The following ANO3 variants were observed in gnomAD, a reference collection of about 807,000 sequenced individuals.
ANO3 encodes anoctamin 3.
Under a neutral mutation model 144.8 loss-of-function variants are expected in ANO3, and 99 were observed. The ratio of observed to expected loss-of-function variants is 0.68; its 90% CI spans 0.58 to 0.81. ANO3 has a LOEUF of 0.81. Ranked by LOEUF, ANO3 falls within the 30% of genes least tolerant of loss-of-function variation. ANO3 has a pLI of 0.00. For missense variants in ANO3, 905 were observed against 1,202.2 expected (o/e 0.75, Z 3.66); for synonymous variants, 414 against 392.6 (o/e 1.05, Z -0.64).
intron 1 of ANO3, among the ~76,000 whole-genome samples, chr11:26,246,630 T>G (rs1016183749): frequency 2.7e-5 from 4 of 149,786 alleles, no homozygotes; most frequent in African/African-American, 1.0e-4. Flanking sequence ...GTTACTATAT[T>G]ATAATAATTG....
At chr11:26,248,725 T>C (rs550792389) in intron 1 of ANO3, among the ~76,000 whole-genome samples, 3 of 152,232 alleles carry the variant, frequency 2.0e-5, no homozygotes, top group Non-Finnish European at 4.4e-5. Context: ...ACTGTATTTT[T>C]TTGTTTTGTT....
chr11:26,470,375 G>T (rs1432736997), intron 4 of ANO3, among the ~76,000 whole-genome samples: 1 of 148,342 alleles, frequency 6.7e-6, no homozygotes, highest in Non-Finnish European at 1.5e-5. Flanking sequence ...TTATACAACT[G>T]CATTCCAACC....
At chr11:26,585,395 T>C (rs1406014761) in intron 14 of ANO3, among the ~76,000 whole-genome samples, 1 of 152,218 alleles carries the variant, frequency 6.6e-6, no homozygotes, top group Admixed American at 6.5e-5. Flanking sequence ...ATAAATTTAA[T>C]GACTTTCATT....
intron 1 of ANO3, among the ~76,000 whole-genome samples, chr11:26,341,474 A>C (rs1350347141): frequency 6.6e-6 from 1 of 152,200 alleles, no homozygotes; most frequent in Non-Finnish European, 1.5e-5. Context: ...GCTGTTATTT[A>C]ATTCTTACTC....
intron 4 of ANO3, among the ~76,000 whole-genome samples, chr11:26,496,339 C>T (rs1467055740): frequency 6.6e-6 from 1 of 152,084 alleles, no homozygotes; most frequent in African/African-American, 2.4e-5. Flanking sequence ...CTGTCTGACT[C>T]GTTCACCAGT....
intron 4 of ANO3, among the ~76,000 whole-genome samples, chr11:26,493,536 C>A (rs1353951139): frequency 6.6e-6 from 1 of 152,152 alleles, no homozygotes; most frequent in Non-Finnish European, 1.5e-5. Context: ...GCTAGATTTT[C>A]TGTTTTCTGA....
intron 6 of ANO3, among the ~76,000 whole-genome samples, chr11:26,521,915 T>G (rs1232178342): frequency 6.6e-6 from 1 of 152,182 alleles, no homozygotes; most frequent in Non-Finnish European, 1.5e-5. Flanking sequence ...CCGGGCGCGG[T>G]GGCTCACGCC....
At chr11:26,396,287 C>A (rs1234406721) in intron 1 of ANO3, among the ~76,000 whole-genome samples, 1 of 152,216 alleles carries the variant, frequency 6.6e-6, no homozygotes, top group South Asian at 2.1e-4. Context: ...AGTCAGGAAA[C>A]AACAGATGCT....
intron 22 of ANO3, 146 bp downstream of exon 22, chr11:26,642,175 G>A (rs1439706566): frequency 9.8e-6 from 8 of 819,224 alleles, no homozygotes; most frequent in Non-Finnish European, 1.3e-5. Flanking sequence ...ATCTCAAGGA[G>A]CTAGAGATAC....
intron 1 of ANO3, among the ~76,000 whole-genome samples, chr11:26,345,124 TA>T (rs1855466518): frequency 6.6e-6 from 1 of 152,160 alleles, no homozygotes; most frequent in Admixed American, 6.5e-5. Flanking sequence ...TGATGTTATG[TA>T]AAAAAGTAAA....
At chr11:26,606,166 A>G (rs1179084189) in intron 17 of ANO3, among the ~76,000 whole-genome samples, 1 of 152,018 alleles carries the variant, frequency 6.6e-6, no homozygotes, top group Non-Finnish European at 1.5e-5. Context: ...CAAAGAACTT[A>G]TTTATTTCTG....
At chr11:26,203,630 G>T (rs1851739674) in intron 1 of ANO3, among the ~76,000 whole-genome samples, 1 of 152,064 alleles carries the variant, frequency 6.6e-6, no homozygotes, top group African/African-American at 2.4e-5. Flanking sequence ...ATTACTTTTG[G>T]CCTCAACTTC....
chr11:26,641,797 G>T, intron 21 of ANO3, 99 bp from the exon 22 acceptor site: 1 of 1,212,374 alleles, frequency 8.2e-7, no homozygotes, highest in Non-Finnish European at 1.1e-6. Flanking sequence ...CAATTCCGAG[G>T]AGCTGGAATT....
intron 1 of ANO3, among the ~76,000 whole-genome samples, chr11:26,245,862 G>A (rs998555410): frequency 2.0e-5 from 3 of 152,150 alleles, no homozygotes; most frequent in Admixed American, 2.0e-4. Flanking sequence ...ATGGCCTGTT[G>A]CAAAATCTAT....
chr11:26,656,255 C>A (rs1193680223), intron 25 of ANO3, 50 bp downstream of exon 25: 5 of 1,527,708 alleles, frequency 3.3e-6, no homozygotes, highest in Non-Finnish European at 4.5e-6. Context: ...TCCAAGTACT[C>A]CCCCCTGCAT....
At chr11:26,372,453 T>C (rs563870089) in intron 1 of ANO3, among the ~76,000 whole-genome samples, 3 of 152,354 alleles carry the variant, frequency 2.0e-5, no homozygotes, top group East Asian at 1.9e-4. Flanking sequence ...GTCAGACCTA[T>C]GTAAATTAAC....
At chr11:26,563,997 T>C (rs1850410835) in intron 14 of ANO3, among the ~76,000 whole-genome samples, 1 of 151,844 alleles carries the variant, frequency 6.6e-6, no homozygotes, top group Non-Finnish European at 1.5e-5. Context: ...ACTCATTAAT[T>C]AGGTAGGCAA....
intron 1 of ANO3, among the ~76,000 whole-genome samples, chr11:26,294,234 A>G (rs1367279296): frequency 6.6e-6 from 1 of 152,218 alleles, no homozygotes; most frequent in African/African-American, 2.4e-5. Flanking sequence ...GACTGTCATC[A>G]TATTTTCGAC....
At chr11:26,402,140 T>C (rs2133975413) in intron 1 of ANO3, among the ~76,000 whole-genome samples, 1 of 152,194 alleles carries the variant, frequency 6.6e-6, no homozygotes, top group Admixed American at 6.5e-5. Context: ...GAAAGATTTG[T>C]ATTTCTTTGG....
Sources: allele counts gnomAD v4.1 joint callset (sites outside exome capture counted in the v4.1 genomes callset), GRCh38; gene constraint gnomAD v4.1.1; transcripts MANE v1.5; gene names NCBI Gene and HGNC (gene_info 2026-07-23, HGNC 2026-07-21).